SPARCL1: variants seen among roughly 807,000 people sequenced by gnomAD.
SPARCL1 encodes SPARC like 1.
SPARCL1 carries 52 observed loss-of-function variants against 67.1 expected under a neutral mutation model. That is an observed-to-expected ratio of 0.78 (90% CI 0.62 to 0.98). SPARCL1 has a LOEUF of 0.98. SPARCL1 is among the 50% of genes least tolerant of loss of function. The pLI is 0.00. For synonymous variants in SPARCL1, 226 were observed against 267.8 expected (o/e 0.84, Z 1.52); for missense variants, 717 against 782.4 (o/e 0.92, Z 1.00).
intron 1 of SPARCL1, among the ~76,000 whole-genome samples, chr4:87,500,009 G>GTAA (rs1307056793): frequency 1.3e-5 from 2 of 152,220 alleles, no homozygotes; most frequent in African/African-American, 2.4e-5. Flanking sequence ...CTGCCACAGA[G>GTAA]TAATAGACCT....
chr4:87,482,121 C>G (rs913885929), intron 8 of SPARCL1, among the ~76,000 whole-genome samples: 1 of 152,194 alleles, frequency 6.6e-6, no homozygotes, highest in Non-Finnish European at 1.5e-5. Flanking sequence ...GATGTTTGGA[C>G]TGACTAGATC....
At chr4:87,511,967 C>CTTTTTTTTTTTTTT (rs3037337) in intron 1 of SPARCL1, among the ~76,000 whole-genome samples, 2 of 121,566 alleles carry the variant, frequency 1.6e-5, no homozygotes, top group East Asian at 2.6e-4. Flanking sequence ...CTTTCTTTCT[C>CTTTTTTTTTTTTTT]TTTTTTTTTT....
rs1396888702 is a variant in SPARCL1 at position 87,473,424 on chromosome 4, A to G, written c.*351T>C. ...AAAGAGTAGCATTCCATTTTCTTGA[A>G]GTGCACATGATATTATGAACAATAC... On this transcript the variant is annotated 3_prime_UTR_variant, in exon 11 of 11. Transcript: ENST00000282470. The G allele has an allele frequency of 5.9e-6, 1 of 170,136 alleles. No individual in the cohort carries two copies. The highest frequency in any genetic ancestry group is 1.2e-5 in the Non-Finnish European group (1 of 80,402). 10.5% of individuals were successfully genotyped at this position (170,136 alleles called of 1,614,324 possible).
intron 4 of SPARCL1, among the ~76,000 whole-genome samples, chr4:87,492,374 C>T (rs895057277): frequency 2.0e-5 from 3 of 150,084 alleles, no homozygotes; most frequent in Non-Finnish European, 1.5e-5. Flanking sequence ...GCCGAGATTG[C>T]GCCACTGCAC....
chr4:87,526,148 C>G lies in SPARCL1; in HGVS notation c.-12+2897G>C, dbSNP rs542721156. Among the ~76,000 whole-genome samples, 9 of 152,312 alleles carry G rather than the reference C, an allele frequency of 5.9e-5. No individual in the cohort carries two copies. In the South Asian group the frequency reaches 8.3e-4, roughly 14 times the overall value. ...TCTTCTCACTCTGTGTAATGGCAAGCTGGCATAGAACACTTTCTTTGGTTT... is the reference window on the plus strand; with the variant it reads ...TCTTCTCACTCTGTGTAATGGCAAGGTGGCATAGAACACTTTCTTTGGTTT... On this transcript the variant is annotated intron_variant, in intron 1 of 10. Coordinates refer to ENST00000282470, the MANE Select transcript of SPARCL1 (RefSeq NM_004684.6).
At chr4:87,523,068 T>C (rs1725891149) in intron 1 of SPARCL1, among the ~76,000 whole-genome samples, 1 of 152,146 alleles carries the variant, frequency 6.6e-6, no homozygotes, top group Non-Finnish European at 1.5e-5. Flanking sequence ...AAGACCAGCC[T>C]AGCCAACATG....
chr4:87,522,460 C>T (rs1410877578), intron 1 of SPARCL1, among the ~76,000 whole-genome samples: 1 of 151,736 alleles, frequency 6.6e-6, no homozygotes, highest in Non-Finnish European at 1.5e-5. Flanking sequence ...ATTTAGTGCT[C>T]AGGGAAGGGA....
chr4:87,483,981 A>G (rs1375286588), intron 7 of SPARCL1, among the ~76,000 whole-genome samples: 1 of 152,072 alleles, frequency 6.6e-6, no homozygotes, highest in Non-Finnish European at 1.5e-5. Flanking sequence ...TCTGGGTATA[A>G]GCCCTTAGTT....
At chr4:87,517,878 C>T (rs565029252) in intron 1 of SPARCL1, among the ~76,000 whole-genome samples, 2 of 152,318 alleles carry the variant, frequency 1.3e-5, no homozygotes, top group East Asian at 1.9e-4. Flanking sequence ...GCCTCATTCT[C>T]ATGGTGTTGG....
intron 1 of SPARCL1, chr4:87,504,742 T>A (rs2110242171): frequency 6.6e-6 from 1 of 152,330 alleles, no homozygotes; most frequent in East Asian, 1.9e-4. Flanking sequence ...ACCACCATTG[T>A]GACAAATTGA....
intron 10 of SPARCL1, among the ~76,000 whole-genome samples, chr4:87,478,138 T>C (rs185395398): frequency 6.6e-5 from 10 of 152,314 alleles, no homozygotes; most frequent in Admixed American, 2.0e-4. Flanking sequence ...ACGGCTTAGC[T>C]GCATGTTTAT....
At chr4:87,490,645 C>G (rs1281847705) in intron 6 of SPARCL1, 115 bp downstream of exon 6, 6 of 786,466 alleles carry the variant, frequency 7.6e-6, no homozygotes, top group Admixed American at 7.6e-5. Context: ...TCCCAAATAA[C>G]CAAATGATAA....
rs1296957428 is a variant in SPARCL1 at position 87,488,507 on chromosome 4, TC to T, written c.1531+1765del. Among the ~76,000 whole-genome samples, 5 of 152,180 alleles carry T rather than the reference TC, an allele frequency of 3.3e-5. No individual in the cohort carries two copies. In the East Asian group the frequency reaches 7.7e-4, roughly 24 times the overall value. ...GTACCTGCTAGATGCCAGCCAGAGC[TC>T]TCCTGTATGAGATGTCTGTCGACCC... On this transcript the variant is annotated intron_variant, in intron 7 of 10. Transcript: ENST00000282470.
intron 2 of SPARCL1, chr4:87,497,299 G>GCCACC (rs1288449607): frequency 2.4e-6 from 2 of 837,354 alleles, no homozygotes; most frequent in East Asian, 1.2e-4. Flanking sequence ...GGGGGAAAAG[G>GCCACC]AGAAAGAATG....
chr4:87,474,773 CG>C, intron 10 of SPARCL1, among the ~76,000 whole-genome samples: 1 of 132,118 alleles, frequency 7.6e-6, no homozygotes, highest in East Asian at 2.2e-4. Context: ...GACGGAGTCT[CG>C]CTCTTTCACC....
chr4:87,506,767 T>G (rs1578109706), intron 1 of SPARCL1, among the ~76,000 whole-genome samples: 1 of 91,394 alleles, frequency 1.1e-5, no homozygotes, highest in South Asian at 5.0e-4. Context: ...ATTATCTATA[T>G]CTCTATCTAT....
chr4:87,487,085 C>G (rs564195855), intron 7 of SPARCL1, among the ~76,000 whole-genome samples: 2 of 151,166 alleles, frequency 1.3e-5, no homozygotes, highest in South Asian at 4.2e-4. Context: ...GCATTTAGCC[C>G]GTTTACATTT....
intron 2 of SPARCL1, 148 bp from the exon 3 acceptor site, chr4:87,495,275 A>G (rs1383397771): frequency 7.9e-6 from 5 of 632,834 alleles, no homozygotes; most frequent in Non-Finnish European, 1.1e-5. Flanking sequence ...TTTTGAGGAT[A>G]TAAGCAGATG....
intron 1 of SPARCL1, among the ~76,000 whole-genome samples, chr4:87,500,799 T>C (rs1724812648): frequency 9.6e-6 from 1 of 104,664 alleles, no homozygotes; most frequent in Admixed American, 8.6e-5. Context: ...CGCACGCACA[T>C]ACGCGCGCAC....
Sources: allele counts gnomAD v4.1 joint callset (sites outside exome capture counted in the v4.1 genomes callset), GRCh38; gene constraint gnomAD v4.1.1; transcripts MANE v1.5; gene names NCBI Gene and HGNC (gene_info 2026-07-23, HGNC 2026-07-21).